IRX5: variants seen among roughly 807,000 people sequenced by gnomAD.
The protein encoded by IRX5 is iroquois homeobox 5.
Under a neutral mutation model 37.6 loss-of-function variants are expected in IRX5, and 8 were observed. That is an observed-to-expected ratio of 0.21 (90% CI 0.12 to 0.38). IRX5 has a LOEUF of 0.38. Ranked by LOEUF, IRX5 falls within the 10% of genes least tolerant of loss-of-function variation. The pLI is 1.00. For synonymous variants in IRX5, 359 were observed against 328.6 expected, an observed-to-expected ratio of 1.09 and a Z score of -1.00; for missense variants, 635 against 695.2, an observed-to-expected ratio of 0.91 and a Z score of 0.97.
rs199865474 is a variant in IRX5 at position 54,933,137 on chromosome 16, C to G, written c.716C>G (p.Ala239Gly). 6.3e-7 allele frequency: 1 copy of G among 1,585,344 alleles called. No homozygotes were observed. Among genetic ancestry groups the G allele is most frequent in the South Asian group, 1.1e-5 (1 of 88,874 alleles). Residue 239 changes from alanine to glycine, a missense_variant, in exon 3 of 3, where the codon GCA becomes GGA. Coordinates refer to ENST00000394636, the MANE Select transcript of IRX5 (RefSeq NM_005853.6). ...CGGCTTCAGGGACCACCCACCCCTGCAGGCAAGGAGACGGAGGGCAGCCTC... is the reference window on the plus strand; with the variant it reads ...CGGCTTCAGGGACCACCCACCCCTGGAGGCAAGGAGACGGAGGGCAGCCTC... Reference protein sequence around the residue: ...CERLQGPPTPAGKETEGSLSD... With the variant: ...CERLQGPPTPGGKETEGSLSD...
chr16:54,934,022 A>C lies in IRX5; in HGVS notation c.*149A>C. The C allele has an allele frequency of 2.7e-6, 2 of 736,710 alleles. No individual in the cohort carries two copies. The highest frequency in any genetic ancestry group is 3.9e-6 in the Non-Finnish European group (2 of 507,654). 45.6% of individuals were successfully genotyped at this position (736,710 alleles called of 1,614,324 possible). On this transcript the variant is annotated 3_prime_UTR_variant, in exon 3 of 3. Transcript: ENST00000394636. Reference sequence around the variant, plus strand: ...TATAGTTTATGGAGATGGATGACATAAAAATGTAAACATCTCCACACAAAA... The same window carrying C: ...TATAGTTTATGGAGATGGATGACATCAAAATGTAAACATCTCCACACAAAA...
Position 54,933,799 on chromosome 16 carries a change from T to C in IRX5, c.1378T>C (p.Leu460=). The C allele has an allele frequency of 3.7e-6, 6 of 1,614,154 alleles. No individual in the cohort carries two copies. Among genetic ancestry groups the C allele is most frequent in the Non-Finnish European group, 5.1e-6 (6 of 1,180,032 alleles). The part of the protein sequence containing the change: ...ADALAKDPKM[L]RSQSQLDLCK... ...CGCTTTGGCTAAAGACCCGAAAATG[T>C]TGCGGAGCCAGTCTCAGCTAGACCT... Residue 460 remains leucine, a synonymous_variant, in exon 3 of 3, where the codon TTG becomes CTG. Coordinates refer to ENST00000394636, the MANE Select transcript of IRX5 (RefSeq NM_005853.6).
Position 54,932,217 on chromosome 16 carries a change from C to A in IRX5, c.250-281C>A. The A allele has an allele frequency of 1.4e-6, 1 of 696,312 alleles. No homozygotes were observed. The highest frequency in any genetic ancestry group is 2.6e-6 in the Non-Finnish European group (1 of 380,718). The allele number at this position is 696,312 out of a possible 1,614,324, so 43.1% of individuals were successfully genotyped here. A position where few individuals can be genotyped will look rare whatever the true frequency, so the allele number is the denominator to read the frequency against. On this transcript the variant is annotated intron_variant, in intron 1 of 2. Coordinates refer to ENST00000394636, the MANE Select transcript of IRX5 (RefSeq NM_005853.6). This position sits in a 1 kb window ranked among gnomAD's most constrained non-coding sequence, Gnocchi z 6.7. Reference sequence around the variant, plus strand: ...GCCAGATCTGCGCACGGGGTACGGACGTGCCCGGGCAGATGGGGGCCTACG... The same window carrying A: ...GCCAGATCTGCGCACGGGGTACGGAAGTGCCCGGGCAGATGGGGGCCTACG...
chr16:54,933,624 T>A lies in IRX5; in HGVS notation c.1203T>A (p.Pro401=), dbSNP rs778731890. The A allele has an allele frequency of 1.9e-6, 3 of 1,610,664 alleles. No homozygotes were observed. The highest frequency in any genetic ancestry group is 1.7e-5 in the Admixed American group (1 of 59,832). ...CAGGCGGGACGGTGCTGTCCCGGCC[T>A]CTCTACTACACCGCGCCCTTCTATC... ...PFPGGTVLSR[P]LYYTAPFYPG... Residue 401 remains proline, a synonymous_variant, in exon 3 of 3, where the codon CCT becomes CCA. Coordinates refer to ENST00000394636, the MANE Select transcript of IRX5 (RefSeq NM_005853.6).
Position 54,932,049 on chromosome 16 carries a change from C to G in IRX5, c.250-449C>G, listed in dbSNP as rs1963903838. 2.8e-6 allele frequency: 2 copies of G among 702,180 alleles called. No homozygotes were observed. Among genetic ancestry groups the G allele is most frequent in the South Asian group, 3.0e-5 (2 of 67,590 alleles). 43.5% of individuals were successfully genotyped at this position (702,180 alleles called of 1,614,324 possible). A position where few individuals can be genotyped will look rare whatever the true frequency, so the allele number is the denominator to read the frequency against. On this transcript the variant is annotated intron_variant, in intron 1 of 2. Coordinates refer to ENST00000394636, the MANE Select transcript of IRX5 (RefSeq NM_005853.6). This position sits in a 1 kb window ranked among gnomAD's most constrained non-coding sequence, Gnocchi z 6.7. ...ATGGCTCAGCTTTTTGTTTGCATTT[C>G]TTAGCTGTTGAAAAAAGAAAAAAAG...
Position 54,932,456 on chromosome 16 carries a change from G to A in IRX5, c.250-42G>A. 6.4e-7 allele frequency: 1 copy of A among 1,557,160 alleles called. No individual in the cohort carries two copies. The highest frequency in any genetic ancestry group is 1.4e-5 in the African/African-American group (1 of 73,480). On this transcript the variant is annotated intron_variant, in intron 1 of 2. Transcript: ENST00000394636. This position sits in a 1 kb window ranked among gnomAD's most constrained non-coding sequence, Gnocchi z 6.7. ...TGCTTCGGTCGTTCCGATGGCAGTG[G>A]AGACCACGGTCCACACTCACCTCTC...
In IRX5 at chr16:54,933,771, G is replaced by C; in HGVS notation, c.1350G>C (p.Ala450=). 1.9e-6 allele frequency: 3 copies of C among 1,614,100 alleles called. No individual in the cohort carries two copies. Among genetic ancestry groups the C allele is most frequent in the Non-Finnish European group, 2.5e-6 (3 of 1,180,034 alleles). ...TAAACCAGACCGTGTTGAACCGAGC[G>C]GACGCTTTGGCTAAAGACCCGAAAA... The part of the protein sequence containing the change: ...NGLNQTVLNR[A]DALAKDPKML... Residue 450 remains alanine, a synonymous_variant, in exon 3 of 3, where the codon GCG becomes GCC. Coordinates refer to ENST00000394636, the MANE Select transcript of IRX5 (RefSeq NM_005853.6).
At position 54,933,544 on chromosome 16, in the gene IRX5, C is replaced by A; in HGVS notation, c.1123C>A (p.Arg375=). 6.2e-7 allele frequency: 1 copy of A among 1,607,314 alleles called. No individual in the cohort carries two copies. Among genetic ancestry groups the A allele is most frequent in the Non-Finnish European group, 8.5e-7 (1 of 1,176,766 alleles). Residue 375 remains arginine (R), a synonymous_variant, in exon 3 of 3, where the codon CGG becomes AGG. Transcript: ENST00000394636. ...PIAGQALGGS[R]ASPAPAPSRS... ...AGCCGGGCAAGCCCTAGGAGGCAGC[C>A]GGGCGTCGCCGGCCCCGGCGCCGTC... is the stretch of plus-strand genomic sequence containing the variant.
chr16:54,932,480 T>C lies in IRX5; in HGVS notation c.250-18T>C. 2 of 1,593,798 alleles carry C rather than the reference T, an allele frequency of 1.3e-6. No individual in the cohort carries two copies. Among genetic ancestry groups the C allele is most frequent in the Non-Finnish European group, 1.7e-6 (2 of 1,168,968 alleles). On this transcript the variant is annotated intron_variant, in intron 1 of 2. Transcript: ENST00000394636. The surrounding 1 kb of genome is among the most constrained non-coding windows in gnomAD (Gnocchi z 6.7). ...GGAGACCACGGTCCACACTCACCTC[T>C]CTGCGTCTCCACCGCAGGGCTCTCC...
Position 54,932,744 on chromosome 16 carries a change from A to G in IRX5, c.496A>G (p.Asn166Asp). The change falls in exon 2 of 3, where the codon AAC (asparagine) becomes GAC (aspartate). Residue 166 changes from asparagine (N) to aspartate (D), a missense_variant. Physicochemically the swap from Asn to Asp is conservative, Grantham distance 23. This residue lies in a region of IRX5 where 55 missense variants were observed against 120.5 expected (regional missense o/e 0.46). Coordinates refer to ENST00000394636, the MANE Select transcript of IRX5 (RefSeq NM_005853.6). This position sits in a 1 kb window ranked among gnomAD's most constrained non-coding sequence, Gnocchi z 6.7. ...TLTQVSTWFANARRRLKKENK... is the reference protein window; with the variant it reads ...TLTQVSTWFADARRRLKKENK... ...CACCCAGGTGTCCACCTGGTTCGCC[A>G]ACGCGCGCCGGCGCCTCAAGAAAGA... 1 of 1,614,028 alleles carries G rather than the reference A, an allele frequency of 6.2e-7. No homozygotes were observed.
rs771845326 is a variant in IRX5, at chr16:54,931,164, CCGCGG to C, written c.-25_-21del. The C allele has an allele frequency of 7.5e-7, 1 of 1,330,466 alleles. No individual in the cohort carries two copies. 82.4% of individuals were successfully genotyped at this position (1,330,466 alleles called of 1,614,324 possible). A position where few individuals can be genotyped will look rare whatever the true frequency, so the allele number is the denominator to read the frequency against. On this transcript the variant is annotated 5_prime_UTR_variant, in exon 1 of 3. Transcript: ENST00000394636. ...AGGGCGCCGCCCGGCTCGTTGGCGGCCGCGGCGCGGCGCGCCCCATGCCCGTGTGT... is the reference window on the plus strand; with the variant it reads ...AGGGCGCCGCCCGGCTCGTTGGCGGCCGCGGCGCGCCCCATGCCCGTGTGT...
Position 54,931,324 on chromosome 16 carries a change from C to A in IRX5, c.126C>A (p.Gly42=), listed in dbSNP as rs1217378340. The A allele has an allele frequency of 6.2e-7, 1 of 1,611,538 alleles. No homozygotes were observed. Reference sequence around the variant, plus strand: ...ATGAGCTCGGCCGCTCTTCTTCGGGCTCCGCGTTCTCGCCCTACGCTGGCT... The same window carrying A: ...ATGAGCTCGGCCGCTCTTCTTCGGGATCCGCGTTCTCGCCCTACGCTGGCT... ...RTDELGRSSS[G]SAFSPYAGST... Residue 42 remains glycine (G), a synonymous_variant, in exon 1 of 3, where the codon GGC becomes GGA. Coordinates refer to ENST00000394636, the MANE Select transcript of IRX5 (RefSeq NM_005853.6).
rs1023501013 is a variant in IRX5 at position 54,932,445 on chromosome 16, C to T, written c.250-53C>T. ...AGGGAAAAGGGTGCTTCGGTCGTTCCGATGGCAGTGGAGACCACGGTCCAC... is the reference window on the plus strand; with the variant it reads ...AGGGAAAAGGGTGCTTCGGTCGTTCTGATGGCAGTGGAGACCACGGTCCAC... On this transcript the variant is annotated intron_variant, in intron 1 of 2. Transcript: ENST00000394636. The surrounding 1 kb of genome is among the most constrained non-coding windows in gnomAD (Gnocchi z 6.7). The T allele has an allele frequency of 1.3e-6, 2 of 1,543,202 alleles. No individual in the cohort carries two copies. Among genetic ancestry groups the T allele is most frequent in the Non-Finnish European group, 1.7e-6 (2 of 1,143,838 alleles).
In IRX5 at chr16:54,932,108, C is replaced by G. The variant is rs1963904690; in HGVS notation, c.250-390C>G. The G allele has an allele frequency of 2.8e-6, 2 of 702,860 alleles. No individual in the cohort carries two copies. Among genetic ancestry groups the G allele is most frequent in the Non-Finnish European group, 5.2e-6 (2 of 384,974 alleles). The allele number at this position is 702,860 out of a possible 1,614,324, so 43.5% of individuals were successfully genotyped here. ...CTTCCCTTGTTTTCCCCCCTTGCGCCCAACGTGCGTCCGCTCCCCCGCCGA... is the reference window on the plus strand; with the variant it reads ...CTTCCCTTGTTTTCCCCCCTTGCGCGCAACGTGCGTCCGCTCCCCCGCCGA... On this transcript the variant is annotated intron_variant, in intron 1 of 2. Coordinates refer to ENST00000394636, the MANE Select transcript of IRX5 (RefSeq NM_005853.6). This position sits in a 1 kb window ranked among gnomAD's most constrained non-coding sequence, Gnocchi z 6.7.
chr16:54,933,677 G>A lies in IRX5; in HGVS notation c.1256G>A (p.Gly419Glu), dbSNP rs764428767. The A allele has an allele frequency of 1.9e-6, 3 of 1,613,298 alleles. No homozygotes were observed. The highest frequency in any genetic ancestry group is 1.3e-5 in the African/African-American group (1 of 74,922). The change falls in exon 3 of 3, where the codon GGA (glycine) becomes GAA (glutamate). Residue 419 changes from glycine to glutamate, a missense_variant. Physicochemically the swap from Gly to Glu is moderately conservative, Grantham distance 98. Transcript: ENST00000394636. ...YPGYTNYGSFGHLHGHPGPGP... is the reference protein window; with the variant it reads ...YPGYTNYGSFEHLHGHPGPGP... ...GGCTACACGAACTATGGCTCCTTCG[G>A]ACACCTTCATGGCCACCCGGGGCCC... is the stretch of plus-strand genomic sequence containing the variant.
rs371080809 is a variant in IRX5, at chr16:54,932,915, T to C, written c.655+12T>C. 5.6e-6 allele frequency: 9 copies of C among 1,601,278 alleles called. No individual in the cohort carries two copies. In the East Asian group the frequency reaches 1.1e-4, roughly 20 times the overall value. On this transcript the variant is annotated intron_variant, in intron 2 of 2. Transcript: ENST00000394636. This position sits in a 1 kb window ranked among gnomAD's most constrained non-coding sequence, Gnocchi z 6.7. Reference sequence around the variant, plus strand: ...GGGCCCCGAAGCAGGTTGGTGGACATGGGAAAGGGCGTGTTGGGCGGGAGT... The same window carrying C: ...GGGCCCCGAAGCAGGTTGGTGGACACGGGAAAGGGCGTGTTGGGCGGGAGT...
At chr16:54,933,003 C>T (rs2142354415) in intron 2 of IRX5, 74 bp from the exon 3 acceptor site, 1 of 1,602,934 alleles carries the variant, frequency 6.2e-7, no homozygotes, top group East Asian at 2.2e-5. Flanking sequence ...GGCAGGGGTC[C>T]CTGCCTTTGC....
In IRX5 at chr16:54,933,254, C is replaced by A. The variant is rs1443427268; in HGVS notation, c.833C>A (p.Pro278Gln). The change falls in exon 3 of 3, where the codon CCA becomes CAA. Residue 278 changes from proline (P) to glutamine (Q), a missense_variant. Physicochemically the swap from Pro to Gln is moderately conservative, Grantham distance 76. Around this residue, in one of 5 missense-constraint regions of IRX5, gnomAD observed 244 missense variants for 205.4 expected, o/e 1.19. Transcript: ENST00000394636. Reference sequence around the variant, plus strand: ...ACCGGCGGGCCCTCCCCGGCTGGGCCAGCGGCGGCGCGGCTGGCGGAGGAC... The same window carrying A: ...ACCGGCGGGCCCTCCCCGGCTGGGCAAGCGGCGGCGCGGCTGGCGGAGGAC... The part of the protein sequence containing the change: ...PRTGGPSPAG[P>Q]AAARLAEDPA... 2.2e-6 allele frequency: 3 copies of A among 1,337,360 alleles called. No homozygotes were observed. The highest frequency in any genetic ancestry group is 9.5e-7 in the Non-Finnish European group (1 of 1,054,828). The allele number at this position is 1,337,360 out of a possible 1,614,324, so 82.8% of individuals were successfully genotyped here. A position where few individuals can be genotyped will look rare whatever the true frequency, so the allele number is the denominator to read the frequency against.
At position 54,933,729 on chromosome 16, in the gene IRX5, G is replaced by T. The variant is rs1395613643; in HGVS notation, c.1308G>T (p.Gly436=). The T allele has an allele frequency of 1.2e-6, 2 of 1,614,062 alleles. No individual in the cohort carries two copies. The highest frequency in any genetic ancestry group is 1.1e-5 in the South Asian group (1 of 91,088). ...GPGPGPTTGP[G]SHFNGLNQTV... ...GGCCAGGCCCCACAACCGGTCCGGG[G>T]TCTCATTTCAATGGATTAAACCAGA... is the stretch of plus-strand genomic sequence containing the variant. The change falls in exon 3 of 3, where the codon GGG becomes GGT. Residue 436 remains glycine, a synonymous_variant. Transcript: ENST00000394636.
Sources: allele counts gnomAD v4.1 joint callset, GRCh38; gene constraint gnomAD v4.1.1; regional missense constraint gnomAD v4.1.1; non-coding constraint Gnocchi (gnomAD v3.1); transcripts MANE v1.5; gene names NCBI Gene and HGNC (gene_info 2026-07-23, HGNC 2026-07-21).